The following DIAPH3 variants were observed in gnomAD, a reference collection of about 807,000 sequenced individuals.
DIAPH3 encodes the protein protein diaphanous homolog 3.
Under a neutral mutation model 144.3 loss-of-function variants are expected in DIAPH3, and 117 were observed. That is an observed-to-expected ratio of 0.81 (90% CI 0.70 to 0.95). The LOEUF (loss-of-function observed/expected upper bound fraction) is 0.95, where lower values mean the gene tolerates loss of function less well. Ranked by LOEUF, DIAPH3 falls within the 40% of genes least tolerant of loss-of-function variation. The probability of loss-of-function intolerance (pLI) is 0.00; values close to 1 mark genes in which losing one functional copy is unlikely to be tolerated. For synonymous variants in DIAPH3, 519 were observed against 488.9 expected (o/e 1.06, Z -0.81); for missense variants, 1,421 against 1,412.7 (o/e 1.01, Z -0.09).
chr13:59,673,524 A>C (rs1206220552), intron 27 of DIAPH3, among the ~76,000 whole-genome samples: 1 of 152,114 alleles, frequency 6.6e-6, no homozygotes, highest in African/African-American at 2.4e-5. Flanking sequence ...TGAAACCCTA[A>C]ACTGATAGTT....
chr13:60,150,039 T>G (rs1230182772), intron 1 of DIAPH3, among the ~76,000 whole-genome samples: 1 of 152,144 alleles, frequency 6.6e-6, no homozygotes, highest in Non-Finnish European at 1.5e-5. Context: ...ATTTATTTTT[T>G]GAGACAGGAT....
Position 59,992,367 on chromosome 13 carries a change from C to T in DIAPH3, c.1125+106G>A, listed in dbSNP as rs575416900. On this transcript the variant is annotated intron_variant, in intron 10 of 27. Transcript: ENST00000400324. The stretch of plus-strand genomic sequence containing the variant: ...TCAAAAATAGATTTTTTAACTCAAG[C>T]CTTTTCCCACAGATAAATTATTCTT... The T allele has an allele frequency of 1.2e-4, 140 of 1,136,806 alleles. No individual in the cohort carries two copies. The South Asian group carries it at 1.9e-3, about 16-fold the overall frequency. The allele number at this position is 1,136,806 out of a possible 1,614,324, so 70.4% of individuals were successfully genotyped here.
chr13:59,706,959 T>C (rs924379708), intron 27 of DIAPH3, among the ~76,000 whole-genome samples: 1 of 152,182 alleles, frequency 6.6e-6, no homozygotes. Context: ...TGGGAATAGT[T>C]TGATTGGGTA....
At chr13:59,847,218 C>A (rs747984982) in intron 22 of DIAPH3, among the ~76,000 whole-genome samples, 5 of 152,128 alleles carry the variant, frequency 3.3e-5, no homozygotes, top group Non-Finnish European at 7.4e-5. Context: ...CAGGTAATAA[C>A]AAATGGAATT....
intron 4 of DIAPH3, among the ~76,000 whole-genome samples, chr13:60,070,457 T>C (rs528028798): frequency 6.6e-6 from 1 of 152,186 alleles, no homozygotes; most frequent in East Asian, 1.9e-4. Context: ...AAAAAAAAGT[T>C]GATCATGTCT....
intron 17 of DIAPH3, among the ~76,000 whole-genome samples, chr13:59,938,547 T>C (rs2048367326): frequency 6.6e-6 from 1 of 151,852 alleles, no homozygotes; most frequent in South Asian, 2.1e-4. Context: ...AGTTTGAGGC[T>C]GCAGTGAGCT....
intron 27 of DIAPH3, among the ~76,000 whole-genome samples, chr13:59,684,410 G>T (rs1206190295): frequency 6.6e-6 from 1 of 152,162 alleles, no homozygotes; most frequent in Non-Finnish European, 1.5e-5. Context: ...GTATTATGGG[G>T]TTAGTTTATA....
At chr13:60,155,883 G>A (rs890387587) in intron 1 of DIAPH3, among the ~76,000 whole-genome samples, 33 of 152,082 alleles carry the variant, frequency 2.2e-4, no homozygotes, top group Admixed American at 5.9e-4. Context: ...TTTGGTTATC[G>A]TCTGTCCTCC....
chr13:59,778,319 T>C (rs575342315), intron 25 of DIAPH3, among the ~76,000 whole-genome samples: 34 of 152,364 alleles, frequency 2.2e-4, no homozygotes, highest in African/African-American at 7.2e-4. Context: ...TATGTGACTC[T>C]TTCTACCACT....
intron 27 of DIAPH3, among the ~76,000 whole-genome samples, chr13:59,760,853 C>G (rs2037541312): frequency 1.3e-5 from 2 of 152,146 alleles, no homozygotes; most frequent in Non-Finnish European, 2.9e-5. Context: ...TGTAATAAGA[C>G]AGCTCCTGTG....
At position 59,714,222 on chromosome 13, in the gene DIAPH3, T is replaced by C. The variant is rs1301635903; in HGVS notation, c.3320-47376A>G. 7.3e-5 allele frequency among the ~76,000 whole-genome samples: 11 copies of C among 150,520 alleles called. No homozygotes were observed. In the South Asian group the frequency reaches 8.5e-4, roughly 12 times the overall value. On this transcript the variant is annotated intron_variant, in intron 27 of 27. Transcript: ENST00000400324. ...AAAAATACAAAAAATTAGCCGGGCG[T>C]AGTGGCGGGCGCCTGTAGTCCCAGC...
At chr13:59,937,754 T>C (rs1198927464) in intron 17 of DIAPH3, among the ~76,000 whole-genome samples, 1 of 152,192 alleles carries the variant, frequency 6.6e-6, no homozygotes, top group Non-Finnish European at 1.5e-5. Context: ...CTTACTTCTA[T>C]ATTTGATGAC....
chr13:59,776,175 T>G (rs1340520317), intron 25 of DIAPH3, among the ~76,000 whole-genome samples: 1 of 152,208 alleles, frequency 6.6e-6, no homozygotes, highest in Admixed American at 6.5e-5. Context: ...TGCAGTAGAA[T>G]ACAAATAACA....
intron 21 of DIAPH3, among the ~76,000 whole-genome samples, chr13:59,867,320 A>T (rs2043986818): frequency 6.6e-6 from 1 of 151,398 alleles, no homozygotes; most frequent in South Asian, 2.1e-4. Context: ...AAACAAAACA[A>T]GCCTAAGGTG....
chr13:59,803,670 G>A (rs2040052769), intron 25 of DIAPH3, among the ~76,000 whole-genome samples: 1 of 152,132 alleles, frequency 6.6e-6, no homozygotes. Context: ...TTGTTGGAAG[G>A]GGACAAAGGA....
At chr13:59,956,689 A>T (rs527879853) in intron 17 of DIAPH3, among the ~76,000 whole-genome samples, 11 of 152,208 alleles carry the variant, frequency 7.2e-5, no homozygotes, top group Non-Finnish European at 1.6e-4. Flanking sequence ...ACTGTCCTCC[A>T]GTCCCCAGAA....
In DIAPH3 at chr13:60,112,017, T is replaced by A. The variant is rs760901760; in HGVS notation, c.383A>T (p.Lys128Ile). 3.7e-6 allele frequency: 6 copies of A among 1,614,084 alleles called. No individual in the cohort carries two copies. In the Admixed American group the frequency reaches 8.3e-5, roughly 22 times the overall value. ...AAGAATCAAAATTCTTACCATCATTTTTTCAAAAAGTTCTAAGAGTTCATT... is the reference window on the plus strand; with the variant it reads ...AAGAATCAAAATTCTTACCATCATTATTTCAAAAAGTTCTAAGAGTTCATT... ...SENELLELFE[K>I]MMEDMNLNED... is the part of the protein sequence containing the mutation. The change falls in exon 3 of 28, where the codon AAA (lysine) becomes ATA (isoleucine). Residue 128 changes from lysine (K) to isoleucine (I), a missense_variant. Lys to Ile is a moderately radical substitution (Grantham distance 102, BLOSUM62 -3). Transcript: ENST00000400324.
chr13:59,814,691 G>T (rs2139587833), intron 24 of DIAPH3, among the ~76,000 whole-genome samples: 1 of 152,272 alleles, frequency 6.6e-6, no homozygotes, highest in Admixed American at 6.5e-5. Context: ...ATAAGACATT[G>T]ATTTTTTAAA....
intron 27 of DIAPH3, among the ~76,000 whole-genome samples, chr13:59,738,476 G>A (rs904981434): frequency 6.6e-6 from 1 of 152,094 alleles, no homozygotes; most frequent in African/African-American, 2.4e-5. Flanking sequence ...TACCTAAATT[G>A]CTTAAGAACT....
Sources: allele counts gnomAD v4.1 joint callset (sites outside exome capture counted in the v4.1 genomes callset), GRCh38; gene constraint gnomAD v4.1.1; transcripts MANE v1.5; gene names NCBI Gene and HGNC (gene_info 2026-07-23, HGNC 2026-07-21).